ATP6V0A4: variants seen among roughly 807,000 people sequenced by gnomAD.
ATP6V0A4 encodes V-type proton ATPase 116 kDa subunit a 4.
A neutral mutation model predicts 107.3 loss-of-function variants in ATP6V0A4; 86 were observed. The observed-to-expected ratio is 0.80, with a 90% CI of 0.67 to 0.96. The LOEUF (loss-of-function observed/expected upper bound fraction) is 0.96. Among genes scored for constraint, ATP6V0A4 ranks in the 40% least tolerant of loss-of-function variants. The pLI, the probability that ATP6V0A4 is intolerant of heterozygous loss-of-function variation, is 0.00. For synonymous variants in ATP6V0A4, 353 were observed against 381.4 expected (o/e 0.93, Z 0.87); for missense variants, 908 against 1,045.6 (o/e 0.87, Z 1.81).
Position 138,755,638 on chromosome 7 carries a change from G to A in ATP6V0A4, c.816+51C>T, listed in dbSNP as rs1005584762. On this transcript the variant is annotated intron_variant, in intron 10 of 21. Transcript: ENST00000310018. ...CAGGGCTTGTATGAAAACAGCAGAG[G>A]CAGCCCTCCTGCAGCTGCCATCAGA... The A allele has an allele frequency of 5.0e-6, 8 of 1,609,326 alleles. No individual in the cohort carries two copies. The African/African-American group carries it at 8.0e-5, about 16-fold the overall frequency.
chr7:138,720,312 C>A (rs1237668535), intron 19 of ATP6V0A4, among the ~76,000 whole-genome samples: 2 of 152,084 alleles, frequency 1.3e-5, no homozygotes, highest in Non-Finnish European at 1.5e-5. Flanking sequence ...AGACGGGAGA[C>A]CCATGTATGA....
chr7:138,768,240 G>A (rs1013622132), intron 5 of ATP6V0A4, among the ~76,000 whole-genome samples: 1 of 152,136 alleles, frequency 6.6e-6, no homozygotes, highest in Admixed American at 6.5e-5. Context: ...CTGGTATTCA[G>A]TGTTTTATAA....
chr7:138,715,210 CTGTT>C (rs984256431), intron 20 of ATP6V0A4, among the ~76,000 whole-genome samples: 136 of 152,228 alleles, frequency 8.9e-4, no homozygotes, highest in African/African-American at 3.0e-3. Flanking sequence ...TTTTGTTTGT[CTGTT>C]TGTTTGAGAC....
At chr7:138,771,545 G>A (rs1004944638) in intron 2 of ATP6V0A4, among the ~76,000 whole-genome samples, 2 of 152,156 alleles carry the variant, frequency 1.3e-5, no homozygotes, top group Non-Finnish European at 2.9e-5. Context: ...GGGACTACAG[G>A]TGTGCACCAG....
chr7:138,757,474 C>G (rs1219596707), intron 8 of ATP6V0A4, among the ~76,000 whole-genome samples: 1 of 152,020 alleles, frequency 6.6e-6, no homozygotes. Flanking sequence ...CATGATCATA[C>G]TACTGCACTC....
chr7:138,727,542 G>A (rs1157534016), intron 18 of ATP6V0A4, among the ~76,000 whole-genome samples: 1 of 152,164 alleles, frequency 6.6e-6, no homozygotes, highest in African/African-American at 2.4e-5. Flanking sequence ...AGGAGACAGT[G>A]GGAGGAGAGG....
At chr7:138,745,962 A>AAATAT (rs1554396065) in intron 13 of ATP6V0A4, among the ~76,000 whole-genome samples, 8 of 65,644 alleles carry the variant, frequency 1.2e-4, no homozygotes, top group African/African-American at 2.0e-4. Flanking sequence ...AAAAAAAAAA[A>AAATAT]ATATATATAT....
chr7:138,734,825 G>A (rs977335963), intron 15 of ATP6V0A4, among the ~76,000 whole-genome samples: 3 of 150,114 alleles, frequency 2.0e-5, no homozygotes, highest in South Asian at 2.1e-4. Flanking sequence ...GAGCCATTAC[G>A]GCAAGATCTC....
chr7:138,742,302 C>T (rs1383233386), intron 14 of ATP6V0A4, among the ~76,000 whole-genome samples: 1 of 152,116 alleles, frequency 6.6e-6, no homozygotes, highest in Admixed American at 6.5e-5. Flanking sequence ...TGGCACACGC[C>T]TGTAATCCCA....
rs1806018260 is a variant in ATP6V0A4, at chr7:138,747,583, C to T, written c.1181-19G>A. 7 of 1,613,330 alleles carry T rather than the reference C, an allele frequency of 4.3e-6. No individual in the cohort carries two copies. Among genetic ancestry groups the T allele is most frequent in the Non-Finnish European group, 5.9e-6 (7 of 1,179,814 alleles). ...TAGGGGGCTGCGGAGGGGAGACACACAACGCCTGAGGCCTCAGCACAGCCT... is the reference window on the plus strand; with the variant it reads ...TAGGGGGCTGCGGAGGGGAGACACATAACGCCTGAGGCCTCAGCACAGCCT... On this transcript the variant is annotated intron_variant, in intron 12 of 21. Coordinates refer to ENST00000310018, the MANE Select transcript of ATP6V0A4 (RefSeq NM_020632.3).
At chr7:138,730,162 G>C (rs1302761918) in intron 17 of ATP6V0A4, among the ~76,000 whole-genome samples, 1 of 152,202 alleles carries the variant, frequency 6.6e-6, no homozygotes, top group Non-Finnish European at 1.5e-5. Context: ...GGGGTTACAG[G>C]CATGAGCCGC....
rs181023450 is a variant in ATP6V0A4 at position 138,779,248 on chromosome 7, G to A, written c.-18+6910C>T. ...TGTGATCCCAGCTACTTGGGAGGCCGACTTGGGAGGATGACCTGAGCCTGG... is the reference window on the plus strand; with the variant it reads ...TGTGATCCCAGCTACTTGGGAGGCCAACTTGGGAGGATGACCTGAGCCTGG... On this transcript the variant is annotated intron_variant, in intron 2 of 21. Coordinates refer to ENST00000310018, the MANE Select transcript of ATP6V0A4 (RefSeq NM_020632.3). Among the ~76,000 whole-genome samples, 335 of 151,996 alleles carry A rather than the reference G, an allele frequency of 2.2e-3. 2 individuals carry two copies. Among genetic ancestry groups the A allele is most frequent in the African/African-American group, 3.0e-3 (123 of 41,450 alleles).
chr7:138,782,525 C>T (rs185225583), intron 2 of ATP6V0A4, among the ~76,000 whole-genome samples: 1 of 152,250 alleles, frequency 6.6e-6, no homozygotes, highest in East Asian at 1.9e-4. Context: ...CAGTGGAGGT[C>T]CAAGCCTGAA....
At chr7:138,738,318 A>AG (rs1488934329) in intron 15 of ATP6V0A4, among the ~76,000 whole-genome samples, 4 of 152,150 alleles carry the variant, frequency 2.6e-5, no homozygotes, top group African/African-American at 4.8e-5. Context: ...GAAATACCGT[A>AG]GCTCCACTCT....
chr7:138,758,739 A>ATTTTTTTTTTTTTT (rs398006555), intron 8 of ATP6V0A4, among the ~76,000 whole-genome samples: 5 of 59,202 alleles, frequency 8.4e-5, no homozygotes, highest in Middle Eastern at 0.019. Flanking sequence ...CTGACTCAGA[A>ATTTTTTTTTTTTTT]TTTTTTTTTT....
intron 17 of ATP6V0A4, among the ~76,000 whole-genome samples, chr7:138,729,206 T>C (rs1394262979): frequency 1.3e-5 from 2 of 151,838 alleles, no homozygotes; most frequent in East Asian, 3.9e-4. Context: ...CCCATGGGGG[T>C]CGTTTTCACC....
chr7:138,782,968 G>A (rs145325117), intron 2 of ATP6V0A4, among the ~76,000 whole-genome samples: 4,948 of 152,136 alleles, frequency 0.033, 243 homozygotes, highest in African/African-American at 0.11. Context: ...CCAGCTACTC[G>A]GGAGGCTGAG....
In ATP6V0A4 at chr7:138,756,334, G is replaced by A. The variant is rs543058119; in HGVS notation, c.722+124C>T. 33 of 1,511,820 alleles carry A rather than the reference G, an allele frequency of 2.2e-5. No individual in the cohort carries two copies. The African/African-American group carries it at 4.2e-4, about 19-fold the overall frequency. The allele number at this position is 1,511,820 out of a possible 1,614,324, so 93.7% of individuals were successfully genotyped here. A position where few individuals can be genotyped will look rare whatever the true frequency, so the allele number is the denominator to read the frequency against. On this transcript the variant is annotated intron_variant, in intron 9 of 21. Transcript: ENST00000310018. ...AATCAGTTGGGGCTGACTTTTATGT[G>A]AGAAAGTTATTCTAAAGCCTTACTG...
rs916681600 is a variant in ATP6V0A4 at position 138,761,467 on chromosome 7, T to C, written c.512+873A>G. 6.4e-4 allele frequency among the ~76,000 whole-genome samples: 98 copies of C among 151,956 alleles called. 1 individual carries two copies. The highest frequency in any genetic ancestry group is 2.8e-3 in the Admixed American group (42 of 15,262). Reference sequence around the variant, plus strand: ...GCCTAACACGGTGAAACCCCGTCTCTACCAAAAACACAAAAAAATTAGCCG... The same window carrying C: ...GCCTAACACGGTGAAACCCCGTCTCCACCAAAAACACAAAAAAATTAGCCG... On this transcript the variant is annotated intron_variant, in intron 7 of 21. Transcript: ENST00000310018.
Sources: allele counts gnomAD v4.1 joint callset (sites outside exome capture counted in the v4.1 genomes callset), GRCh38; gene constraint gnomAD v4.1.1; transcripts MANE v1.5; gene names NCBI Gene and HGNC (gene_info 2026-07-23, HGNC 2026-07-21).